Variants in PDSS2 observed in about 807,000 individuals in gnomAD.
PDSS2 encodes the protein all trans-polyprenyl-diphosphate synthase PDSS2.
In PDSS2, 31 loss-of-function variants were observed where a neutral mutation model predicts 44.5. The ratio of observed to expected loss-of-function variants is 0.70; its 90% CI spans 0.52 to 0.94. The LOEUF (loss-of-function observed/expected upper bound fraction) is 0.94. Ranked by LOEUF, PDSS2 falls within the 40% of genes least tolerant of loss-of-function variation. The pLI is 0.00. For missense variants in PDSS2, 452 were observed against 482.2 expected, an observed-to-expected ratio of 0.94 and a Z score of 0.59; for synonymous variants, 157 against 180.3, an observed-to-expected ratio of 0.87 and a Z score of 1.03.
intron 7 of PDSS2, among the ~76,000 whole-genome samples, chr6:107,191,515 G>C (rs1335559276): frequency 6.6e-6 from 1 of 152,040 alleles, no homozygotes; most frequent in Non-Finnish European, 1.5e-5. Context: ...CAGGAGAGAG[G>C]ATAAGAAAAA....
intron 3 of PDSS2, among the ~76,000 whole-genome samples, chr6:107,273,036 G>A (rs1315532014): frequency 6.6e-6 from 1 of 152,136 alleles, no homozygotes; most frequent in Non-Finnish European, 1.5e-5. Context: ...CCAGGCTGGA[G>A]TGCAGTGGCA....
intron 3 of PDSS2, among the ~76,000 whole-genome samples, chr6:107,269,829 G>A (rs1217674112): frequency 1.3e-5 from 2 of 151,952 alleles, no homozygotes; most frequent in Non-Finnish European, 2.9e-5. Flanking sequence ...ACCACCTCTG[G>A]CTAATTTTTG....
intron 3 of PDSS2, among the ~76,000 whole-genome samples, chr6:107,270,104 GTAT>G (rs1250119826): frequency 6.6e-6 from 1 of 151,946 alleles, no homozygotes; most frequent in Non-Finnish European, 1.5e-5. Context: ...CTGCTGAAGT[GTAT>G]TATTATTATT....
chr6:107,283,969 T>G (rs934187389), intron 2 of PDSS2, among the ~76,000 whole-genome samples: 2 of 151,804 alleles, frequency 1.3e-5, no homozygotes, highest in African/African-American at 4.8e-5. Context: ...GAGGTTGCCA[T>G]GAGCCTAGAT....
chr6:107,259,008 G>A (rs1775122850), intron 3 of PDSS2, among the ~76,000 whole-genome samples: 1 of 152,128 alleles, frequency 6.6e-6, no homozygotes, highest in African/African-American at 2.4e-5. Flanking sequence ...AGATTGCCTG[G>A]ATTTAGACAG....
intron 6 of PDSS2, among the ~76,000 whole-genome samples, chr6:107,200,107 T>C (rs1385049373): frequency 1.3e-5 from 2 of 152,136 alleles, no homozygotes; most frequent in Non-Finnish European, 2.9e-5. Flanking sequence ...GAATGGAAGT[T>C]AACAGATCTC....
intron 2 of PDSS2, among the ~76,000 whole-genome samples, chr6:107,286,379 G>A (rs552203073): frequency 3.3e-5 from 5 of 151,476 alleles, no homozygotes; most frequent in South Asian, 4.2e-4. Flanking sequence ...TTGTGGTGGC[G>A]GGTGCCTGTA....
At chr6:107,367,424 G>C (rs1778989610) in intron 1 of PDSS2, among the ~76,000 whole-genome samples, 1 of 152,100 alleles carries the variant, frequency 6.6e-6, no homozygotes, top group South Asian at 2.1e-4. Context: ...CTCCCACTTA[G>C]GACTGGGAAC....
At chr6:107,273,914 T>C (rs1433793190) in intron 3 of PDSS2, 115 bp downstream of exon 3, 2 of 782,968 alleles carry the variant, frequency 2.6e-6, no homozygotes, top group African/African-American at 3.4e-5. Context: ...TACTGTTTAC[T>C]GAGCATGTAC....
At chr6:107,383,508 C>G (rs1222582808) in intron 1 of PDSS2, among the ~76,000 whole-genome samples, 1 of 151,622 alleles carries the variant, frequency 6.6e-6, no homozygotes, top group Non-Finnish European at 1.5e-5. Flanking sequence ...AGGACACCAT[C>G]AAGAAGGTGA....
chr6:107,338,052 A>G (rs1777960989), intron 1 of PDSS2, among the ~76,000 whole-genome samples: 1 of 152,146 alleles, frequency 6.6e-6, no homozygotes, highest in Non-Finnish European at 1.5e-5. Flanking sequence ...CCAAAACACC[A>G]TTTCTTTAAA....
intron 1 of PDSS2, among the ~76,000 whole-genome samples, chr6:107,456,569 A>T (rs1179597855): frequency 6.6e-6 from 1 of 152,200 alleles, no homozygotes; most frequent in Non-Finnish European, 1.5e-5. Context: ...ATTTCATTTT[A>T]TTTTGAGACA....
At chr6:107,158,859 G>GC (rs1421130927) in intron 7 of PDSS2, among the ~76,000 whole-genome samples, 2 of 151,920 alleles carry the variant, frequency 1.3e-5, no homozygotes, top group Non-Finnish European at 2.9e-5. Context: ...CTCCCAAGTA[G>GC]CTGGGATTAC....
chr6:107,384,742 TTATTAA>T (rs1322024956), intron 1 of PDSS2, among the ~76,000 whole-genome samples: 1 of 152,010 alleles, frequency 6.6e-6, no homozygotes, highest in Admixed American at 6.6e-5. Flanking sequence ...AATAAAGTTG[TTATTAA>T]TATTAACACA....
chr6:107,158,350 A>C (rs761641491), intron 7 of PDSS2, among the ~76,000 whole-genome samples: 1 of 151,618 alleles, frequency 6.6e-6, no homozygotes, highest in Non-Finnish European at 1.5e-5. Context: ...ACACCTGGCT[A>C]ATTTTTTTAT....
intron 4 of PDSS2, among the ~76,000 whole-genome samples, chr6:107,237,891 G>A (rs1278225139): frequency 6.6e-5 from 9 of 135,438 alleles, no homozygotes; most frequent in East Asian, 2.2e-4. Context: ...GCAAGACTCC[G>A]TCTCTGAAAA....
At chr6:107,217,733 C>A (rs914175485) in intron 4 of PDSS2, among the ~76,000 whole-genome samples, 3 of 152,220 alleles carry the variant, frequency 2.0e-5, no homozygotes, top group South Asian at 4.1e-4. Context: ...ACAGATAAAC[C>A]TACATACATG....
intron 1 of PDSS2, among the ~76,000 whole-genome samples, chr6:107,366,935 T>C (rs1235014208): frequency 6.6e-6 from 1 of 152,132 alleles, no homozygotes; most frequent in Non-Finnish European, 1.5e-5. Context: ...GAAATACTGA[T>C]TCTTCACAAA....
At chr6:107,286,890 AT>A (rs1776172041) in intron 2 of PDSS2, among the ~76,000 whole-genome samples, 1 of 151,994 alleles carries the variant, frequency 6.6e-6, no homozygotes, top group South Asian at 2.1e-4. Context: ...AATAGAAAAA[AT>A]TAGCTGAGCA....
Sources: gnomAD v4.1 joint callset for allele counts (sites outside exome capture counted in the v4.1 genomes callset) on GRCh38, gnomAD v4.1.1 for gene constraint, MANE v1.5 for transcripts, NCBI Gene and HGNC (gene_info 2026-07-23, HGNC 2026-07-21) for gene names.